INPP4B: variants seen among roughly 807,000 people sequenced by gnomAD.
INPP4B encodes the protein inositol polyphosphate 4-phosphatase type II.
In INPP4B, 55 loss-of-function variants were observed where a neutral mutation model predicts 122.5. The ratio of observed to expected loss-of-function variants is 0.45; its 90% CI spans 0.36 to 0.56. The LOEUF (loss-of-function observed/expected upper bound fraction) is 0.56. INPP4B is among the 20% of genes least tolerant of loss of function. INPP4B has a pLI of 0.00. For synonymous variants in INPP4B, 403 were observed against 388.7 expected (o/e 1.04, Z -0.43); for missense variants, 1,000 against 1,097.7 (o/e 0.91, Z 1.26).
intron 21 of INPP4B, among the ~76,000 whole-genome samples, chr4:142,114,370 C>A (rs1791852966): frequency 6.6e-6 from 1 of 151,928 alleles, no homozygotes; most frequent in African/African-American, 2.4e-5. Context: ...TTAAGACTGC[C>A]AAACTGTTTT....
intron 2 of INPP4B, among the ~76,000 whole-genome samples, chr4:142,562,338 T>TG (rs1730654593): frequency 6.6e-6 from 1 of 152,250 alleles, no homozygotes; most frequent in Admixed American, 6.5e-5. Flanking sequence ...AAGATGCTTC[T>TG]GTTCAATTTC....
At chr4:142,808,598 A>G (rs1162079809) in intron 1 of INPP4B, among the ~76,000 whole-genome samples, 1 of 152,204 alleles carries the variant, frequency 6.6e-6, no homozygotes, top group Non-Finnish European at 1.5e-5. Context: ...AGGTAGTTAT[A>G]CTGGAGGATC....
At chr4:142,832,928 CAT>C (rs1268632495) in intron 1 of INPP4B, among the ~76,000 whole-genome samples, 6 of 152,152 alleles carry the variant, frequency 3.9e-5, no homozygotes, top group African/African-American at 1.4e-4. Context: ...TGTCAGAAAA[CAT>C]AACAGTGAAG....
chr4:142,471,007 G>A (rs1000988908), intron 2 of INPP4B, among the ~76,000 whole-genome samples: 4 of 152,110 alleles, frequency 2.6e-5, no homozygotes, highest in Admixed American at 2.0e-4. Context: ...ATACCAAAAT[G>A]TTAAATGTAA....
At chr4:142,365,576 A>G (rs1787146198) in intron 7 of INPP4B, among the ~76,000 whole-genome samples, 1 of 152,118 alleles carries the variant, frequency 6.6e-6, no homozygotes, top group South Asian at 2.1e-4. Flanking sequence ...TGACACTACA[A>G]GGAACATTTA....
At chr4:142,579,935 A>G (rs917910376) in intron 2 of INPP4B, among the ~76,000 whole-genome samples, 2 of 147,960 alleles carry the variant, frequency 1.4e-5, no homozygotes, top group African/African-American at 5.0e-5. Flanking sequence ...AGATAGATAG[A>G]TATCCTATTG....
intron 23 of INPP4B, among the ~76,000 whole-genome samples, chr4:142,102,092 A>G (rs1578902939): frequency 6.6e-6 from 1 of 152,018 alleles, no homozygotes; most frequent in African/African-American, 2.4e-5. Flanking sequence ...TATAAATTTC[A>G]TATTATTTTT....
chr4:142,615,596 C>A (rs1449893579), intron 2 of INPP4B, among the ~76,000 whole-genome samples: 1 of 152,098 alleles, frequency 6.6e-6, no homozygotes, highest in East Asian at 1.9e-4. Flanking sequence ...GAAGAGTCCA[C>A]CTAGTTAGTC....
intron 9 of INPP4B, among the ~76,000 whole-genome samples, chr4:142,282,897 C>T (rs562876467): frequency 3.2e-4 from 49 of 152,174 alleles, no homozygotes; most frequent in African/African-American, 1.1e-3. Flanking sequence ...ATTCTGATTA[C>T]CACAGCAATG....
At chr4:142,383,900 C>T in intron 7 of INPP4B, 1 of 565,678 alleles carries the variant, frequency 1.8e-6, no homozygotes, top group East Asian at 2.8e-5. Flanking sequence ...GCTTATTATT[C>T]ATGTGACCTC....
chr4:142,377,299 G>A (rs1234986393), intron 7 of INPP4B, among the ~76,000 whole-genome samples: 1 of 151,548 alleles, frequency 6.6e-6, no homozygotes, highest in African/African-American at 2.4e-5. Flanking sequence ...GTCTTAGAAG[G>A]AAGCAAAGTA....
chr4:142,225,485 C>T (rs1352479172), intron 12 of INPP4B, among the ~76,000 whole-genome samples: 1 of 150,602 alleles, frequency 6.6e-6, no homozygotes, highest in Admixed American at 6.6e-5. Context: ...CCTATTAGTT[C>T]TGTCCCTCTA....
chr4:142,276,434 T>C (rs530450057), intron 9 of INPP4B, among the ~76,000 whole-genome samples: 2 of 151,870 alleles, frequency 1.3e-5, no homozygotes, highest in Non-Finnish European at 2.9e-5. Flanking sequence ...CATTAAATAA[T>C]GAAGTATGGT....
At chr4:142,153,257 C>T (rs926732547) in intron 17 of INPP4B, among the ~76,000 whole-genome samples, 1 of 152,158 alleles carries the variant, frequency 6.6e-6, no homozygotes, top group Admixed American at 6.5e-5. Flanking sequence ...TTGTGCACAA[C>T]CATTTTCAAA....
At chr4:142,638,548 T>C (rs909921978) in intron 2 of INPP4B, among the ~76,000 whole-genome samples, 1 of 146,894 alleles carries the variant, frequency 6.8e-6, no homozygotes, top group South Asian at 2.2e-4. Context: ...TCTATTCTCT[T>C]TTTTTTTTTT....
At position 142,034,939 on chromosome 4, in the gene INPP4B, C is replaced by T. The variant is rs557709023; in HGVS notation, c.2643-6025G>A. Reference sequence around the variant, plus strand: ...ATCCCTGTGTGTACCAATTCTATCACCTGGAACACACACACACACATATAC... The same window carrying T: ...ATCCCTGTGTGTACCAATTCTATCATCTGGAACACACACACACACATATAC... On this transcript the variant is annotated intron_variant, in intron 25 of 25. Coordinates refer to ENST00000262992, the MANE Select transcript of INPP4B (RefSeq NM_001101669.3). Among the ~76,000 whole-genome samples the T allele has an allele frequency of 1.8e-4, 27 of 152,040 alleles. No individual in the cohort carries two copies. The South Asian group carries it at 3.9e-3, about 22-fold the overall frequency.
intron 15 of INPP4B, among the ~76,000 whole-genome samples, chr4:142,189,664 TGAG>T (rs1180903865): frequency 2.0e-5 from 3 of 151,462 alleles, no homozygotes; most frequent in Non-Finnish European, 2.9e-5. Flanking sequence ...TAGTAGAAAA[TGAG>T]GAGAACAGAA....
At chr4:142,482,706 G>T (rs573388048) in intron 2 of INPP4B, among the ~76,000 whole-genome samples, 31 of 152,024 alleles carry the variant, frequency 2.0e-4, no homozygotes, top group Admixed American at 2.0e-3. Context: ...TAAGTCATAC[G>T]CCAATGCTTT....
At chr4:142,424,526 C>A (rs1403771276) in intron 5 of INPP4B, among the ~76,000 whole-genome samples, 1 of 152,092 alleles carries the variant, frequency 6.6e-6, no homozygotes, top group Non-Finnish European at 1.5e-5. Context: ...TGTTATCTTG[C>A]ACACACAGAC....
Sources: gnomAD v4.1 joint callset for allele counts (sites outside exome capture counted in the v4.1 genomes callset) on GRCh38, gnomAD v4.1.1 for gene constraint, MANE v1.5 for transcripts, NCBI Gene and HGNC (gene_info 2026-07-23, HGNC 2026-07-21) for gene names.